BNIP2: variants seen among roughly 807,000 people sequenced by gnomAD.
BNIP2 encodes BCL2/adenovirus E1B 19 kDa protein-interacting protein 2.
In BNIP2, 36 loss-of-function variants were observed where a neutral mutation model predicts 43.4. That is an observed-to-expected ratio of 0.83 (90% CI 0.64 to 1.10). The LOEUF is 1.10. Ranked by LOEUF, BNIP2 falls within the 50% of genes least tolerant of loss-of-function variation. The pLI, the probability that BNIP2 is intolerant of heterozygous loss-of-function variation, is 0.00. For synonymous variants in BNIP2, 146 were observed against 121.0 expected (o/e 1.21, Z -1.35); for missense variants, 417 against 374.1 (o/e 1.11, Z -0.95).
intron 1 of BNIP2, chr15:59,688,608 C>G (rs1894173445): frequency 8.4e-7 from 1 of 1,188,400 alleles, no homozygotes; most frequent in South Asian, 1.3e-5. Context: ...TGTCTAGATT[C>G]ACGCGGGGAC....
At chr15:59,677,890 A>G in intron 5 of BNIP2, 21 bp downstream of exon 5, 1 of 1,580,408 alleles carries the variant, frequency 6.3e-7, no homozygotes, top group South Asian at 1.2e-5. Flanking sequence ...AACAATCTGA[A>G]AAATCCTCAG....
intron 5 of BNIP2, among the ~76,000 whole-genome samples, chr15:59,675,934 C>G (rs1211166074): frequency 2.0e-5 from 3 of 152,186 alleles, no homozygotes; most frequent in Non-Finnish European, 4.4e-5. Flanking sequence ...GTAGATATGA[C>G]AGTGGCTACC....
At chr15:59,682,282 G>A (rs6151486) in intron 2 of BNIP2, 126 bp downstream of exon 2, 7 of 703,958 alleles carry the variant, frequency 9.9e-6, no homozygotes, top group Admixed American at 8.9e-5. Context: ...AGCTGAGATC[G>A]CGCCACTGCA....
rs928940841 is a variant in BNIP2, at chr15:59,672,661, C to G, written c.551G>C (p.Arg184Thr). Residue 184 changes from arginine (R) to threonine (T), a missense_variant, in exon 6 of 10, where the codon AGA (arginine) becomes ACA (threonine). Arg to Thr is a moderately conservative substitution (Grantham distance 71). Coordinates refer to ENST00000607373, the MANE Select transcript of BNIP2 (RefSeq NM_004330.4). ...FMPESSQPNY[R>T]YLMDNLFKYV... ...CTTAAAAAGATTGTCCATCAGGTAT[C>G]TATAGTTAGGCTGACTACTTTCAGG... 6.2e-7 allele frequency: 1 copy of G among 1,613,474 alleles called. No individual in the cohort carries two copies. Among genetic ancestry groups the G allele is most frequent in the Admixed American group, 1.7e-5 (1 of 60,016 alleles).
In BNIP2 at chr15:59,663,501, T is replaced by C. The variant is rs916492549; in HGVS notation, c.*568A>G. 6 of 152,682 alleles carry C rather than the reference T, an allele frequency of 3.9e-5. No homozygotes were observed. Among genetic ancestry groups the C allele is most frequent in the African/African-American group, 1.4e-4 (6 of 41,460 alleles). The allele number at this position is 152,682 out of a possible 1,614,324, so 9.5% of individuals were successfully genotyped here. On this transcript the variant is annotated 3_prime_UTR_variant, in exon 10 of 10. Coordinates refer to ENST00000607373, the MANE Select transcript of BNIP2 (RefSeq NM_004330.4). ...GGATGGTACTAATACACTTCGATTA[T>C]ATACATGATCTTTGGGTATTCATGA...
intron 4 of BNIP2, chr15:59,678,922 T>G: frequency 1.7e-6 from 2 of 1,184,866 alleles, no homozygotes; most frequent in Non-Finnish European, 2.2e-6. Flanking sequence ...ACTACTGGAC[T>G]GTTTATTGAA....
At chr15:59,665,797 A>C (rs1419153007) in intron 9 of BNIP2, among the ~76,000 whole-genome samples, 11 of 152,208 alleles carry the variant, frequency 7.2e-5, no homozygotes, top group Admixed American at 7.2e-4. Context: ...TAACTGATGA[A>C]GGGACCTTTA....
At chr15:59,673,475 G>C (rs529273483) in intron 5 of BNIP2, among the ~76,000 whole-genome samples, 14 of 152,240 alleles carry the variant, frequency 9.2e-5, no homozygotes, top group African/African-American at 2.6e-4. Flanking sequence ...GCCCAGGATG[G>C]AGTGCAGTGG....
chr15:59,678,103 G>C lies in BNIP2; in HGVS notation c.296-16C>G. On this transcript the variant is annotated splice_polypyrimidine_tract_variant and intron_variant, in intron 4 of 9. Transcript: ENST00000607373. ...GGAAGATCATCTGTCAAAATACAAAGTTTTTGAATCACAAATTGTTACACA... is the reference window on the plus strand; with the variant it reads ...GGAAGATCATCTGTCAAAATACAAACTTTTTGAATCACAAATTGTTACACA... 1.9e-6 allele frequency: 3 copies of C among 1,591,456 alleles called. No individual in the cohort carries two copies. The highest frequency in any genetic ancestry group is 2.2e-5 in the East Asian group (1 of 44,602).
chr15:59,668,225 T>G (rs1892682633), intron 9 of BNIP2: 1 of 857,906 alleles, frequency 1.2e-6, no homozygotes, highest in Non-Finnish European at 1.6e-6. Context: ...TAAACTCATT[T>G]AAATTTTCCA....
intron 5 of BNIP2, among the ~76,000 whole-genome samples, chr15:59,676,432 T>C (rs986192567): frequency 2.0e-5 from 3 of 152,136 alleles, no homozygotes; most frequent in African/African-American, 7.2e-5. Flanking sequence ...CAAGTAATCC[T>C]CCTGCCTCAG....
chr15:59,689,146 C>A lies in BNIP2; in HGVS notation c.-69G>T, dbSNP rs1894218291. The A allele has an allele frequency of 7.2e-6, 11 of 1,537,300 alleles. No individual in the cohort carries two copies. Among genetic ancestry groups the A allele is most frequent in the Admixed American group, 2.0e-5 (1 of 50,922 alleles). On this transcript the variant is annotated 5_prime_UTR_variant, in exon 1 of 10. Coordinates refer to ENST00000607373, the MANE Select transcript of BNIP2 (RefSeq NM_004330.4). ...CAGGCCGCACTCACCCCGGAGGAAG[C>A]CTTGGCCCCCTCGTCCTCTTCGCCC...
intron 1 of BNIP2, among the ~76,000 whole-genome samples, chr15:59,687,649 T>A (rs1383854489): frequency 6.6e-6 from 1 of 152,106 alleles, no homozygotes; most frequent in Admixed American, 6.6e-5. Flanking sequence ...ACAAGACATC[T>A]TTCAATCTAT....
Position 59,689,289 on chromosome 15 carries a change from G to T in BNIP2, c.-212C>A. The T allele has an allele frequency of 6.5e-7, 1 of 1,545,872 alleles. No individual in the cohort carries two copies. The highest frequency in any genetic ancestry group is 8.7e-7 in the Non-Finnish European group (1 of 1,145,778). On this transcript the variant is annotated 5_prime_UTR_variant, in exon 1 of 10. Transcript: ENST00000607373. ...CCAATCCCCCGGCCGCAGCGGTACG[G>T]CGTCGGCGGCAGCAGCTGACCCGGA...
intron 1 of BNIP2, chr15:59,688,762 G>C (rs910182302): frequency 6.5e-7 from 1 of 1,535,694 alleles, no homozygotes; most frequent in Non-Finnish European, 8.7e-7. Flanking sequence ...TTCTGTACCA[G>C]GACGGACGCT....
chr15:59,681,481 C>A (rs1222136747), intron 2 of BNIP2, among the ~76,000 whole-genome samples: 1 of 141,790 alleles, frequency 7.1e-6, no homozygotes, highest in Non-Finnish European at 1.5e-5. Context: ...TAGAGCCTTG[C>A]TCGGTCGCCC....
chr15:59,678,405 T>G, intron 4 of BNIP2: 1 of 1,077,756 alleles, frequency 9.3e-7, no homozygotes, highest in South Asian at 2.8e-5. Context: ...TTACAATGCC[T>G]TTCCAGATTC....
At chr15:59,671,145 A>T (rs1224271116) in intron 7 of BNIP2, 38 bp downstream of exon 7, 3 of 1,508,768 alleles carry the variant, frequency 2.0e-6, no homozygotes, top group Middle Eastern at 1.8e-4. Context: ...CCATTATAAA[A>T]TTTTTTCAGA....
intron 5 of BNIP2, 44 bp from the exon 6 acceptor site, chr15:59,672,783 C>A: frequency 6.9e-7 from 1 of 1,452,470 alleles, no homozygotes; most frequent in South Asian, 1.2e-5. Flanking sequence ...CGATTTTACT[C>A]TTAGGCATTT....
Sources: gnomAD v4.1 joint callset for allele counts (sites outside exome capture counted in the v4.1 genomes callset) on GRCh38, gnomAD v4.1.1 for gene constraint, MANE v1.5 for transcripts, NCBI Gene and HGNC (gene_info 2026-07-23, HGNC 2026-07-21) for gene names.